Variants in LIMS2 observed in about 807,000 individuals in gnomAD.
LIMS2 encodes the protein LIM zinc finger domain containing 2, also known as LIM and senescent cell antigen-like-containing domain protein 2.
In LIMS2, 30 loss-of-function variants were observed where a neutral mutation model predicts 45.3. The observed-to-expected ratio is 0.66, with a 90% CI of 0.50 to 0.90. The LOEUF is 0.90. Ranked by LOEUF, LIMS2 falls within the 40% of genes least tolerant of loss-of-function variation. LIMS2 has a pLI of 0.00. For missense variants in LIMS2, 485 were observed against 468.7 expected, an observed-to-expected ratio of 1.03 and a Z score of -0.32; for synonymous variants, 173 against 188.0, an observed-to-expected ratio of 0.92 and a Z score of 0.65.
At chr2:127,681,153 C>T (rs11888336) in intron 1 of LIMS2, among the ~76,000 whole-genome samples, 20,379 of 152,226 alleles carry the variant, frequency 0.13, 1,532 homozygotes, top group Middle Eastern at 0.22. Flanking sequence ...GAACCTTCAC[C>T]GTCCCCATGC....
At chr2:127,665,880 C>CA (rs1373176175) in intron 1 of LIMS2, among the ~76,000 whole-genome samples, 2 of 152,226 alleles carry the variant, frequency 1.3e-5, no homozygotes, top group African/African-American at 4.8e-5. Context: ...AAGGAGGCTA[C>CA]AGCCACAAGT....
intron 1 of LIMS2, among the ~76,000 whole-genome samples, chr2:127,670,597 T>C (rs1257899066): frequency 6.6e-6 from 1 of 152,252 alleles, no homozygotes; most frequent in East Asian, 1.9e-4. Context: ...CACTGAATTT[T>C]ACAATCTAAA....
At chr2:127,674,466 G>T in intron 1 of LIMS2, 1 of 240,380 alleles carries the variant, frequency 4.2e-6, no homozygotes, top group Non-Finnish European at 6.7e-6. Flanking sequence ...GGTGGGCCAG[G>T]CCCAGGGGAG....
Position 127,649,165 on chromosome 2 carries a change from T to TAGGAAGGAAGGAAGGAAGGAAGGA in LIMS2, c.359+5235_359+5258dup, listed in dbSNP as rs376330379. Reference sequence around the variant, plus strand: ...AAGCGAAGTGAGAGAGAGAGGAAGGTAGGAAGGAAGGAAGGAAGGAAGGAA... The same window carrying TAGGAAGGAAGGAAGGAAGGAAGGA: ...AAGCGAAGTGAGAGAGAGAGGAAGGTAGGAAGGAAGGAAGGAAGGAAGGAAGGAAGGAAGGAAGGAAGGAAGGAA... On this transcript the variant is annotated intron_variant, in intron 4 of 9. Coordinates refer to ENST00000355119, the MANE Select transcript of LIMS2 (RefSeq NM_001161403.3). Among the ~76,000 whole-genome samples the TAGGAAGGAAGGAAGGAAGGAAGGA allele has an allele frequency of 3.2e-3, 434 of 134,336 alleles. 2 individuals are homozygous for TAGGAAGGAAGGAAGGAAGGAAGGA. The highest frequency in any genetic ancestry group is 0.011 in the African/African-American group (403 of 36,654). 88.1% of individuals were successfully genotyped at this position (134,336 alleles called of 152,430 possible). A position where few individuals can be genotyped will look rare whatever the true frequency, so the allele number is the denominator to read the frequency against.
intron 4 of LIMS2, chr2:127,650,156 G>C: frequency 1.6e-6 from 2 of 1,284,546 alleles, no homozygotes; most frequent in Non-Finnish European, 2.2e-6. Context: ...AAGTGCCAGG[G>C]GCAAGCCATG....
Position 127,657,460 on chromosome 2 carries a change from C to G in LIMS2, c.114G>C (p.Glu38Asp), listed in dbSNP as rs374132948. The change falls in exon 2 of 10, where the codon GAG (glutamate) becomes GAC (aspartate). Residue 38 changes from glutamate (E) to aspartate (D), a missense_variant. By Grantham distance (45) the Glu-to-Asp change is conservative. Transcript: ENST00000355119. ...AGCACTGGGCACACACGAAGCAGTG[C>G]TCATGGTACAGCTCCCCATTGCTGT... ...IVNSNGELYHEHCFVCAQCFR... is the reference protein window; with the variant it reads ...IVNSNGELYHDHCFVCAQCFR... 27 of 1,613,736 alleles carry G rather than the reference C, an allele frequency of 1.7e-5. No individual in the cohort carries two copies. The East Asian group carries it at 3.6e-4, about 21-fold the overall frequency.
chr2:127,662,110 C>A lies in LIMS2; in HGVS notation c.12-4548G>T, dbSNP rs117601079. Among the ~76,000 whole-genome samples, 3 of 152,258 alleles carry A rather than the reference C, an allele frequency of 2.0e-5. No individual in the cohort carries two copies. In the East Asian group the frequency reaches 5.8e-4, roughly 29 times the overall value. On this transcript the variant is annotated intron_variant, in intron 1 of 9. Transcript: ENST00000355119. Reference sequence around the variant, plus strand: ...CAGCAGTCAGACCAAGGGTGTGTCCCCTATAGCCAGGCACACCAGGCTGCA... The same window carrying A: ...CAGCAGTCAGACCAAGGGTGTGTCCACTATAGCCAGGCACACCAGGCTGCA...
At chr2:127,640,028 C>T (rs1394065388) in intron 9 of LIMS2, 42 bp downstream of exon 9, 2 of 1,592,768 alleles carry the variant, frequency 1.3e-6, no homozygotes, top group African/African-American at 2.7e-5. Context: ...CTGCAGGAGC[C>T]CCCTCCACCC....
At chr2:127,673,447 G>A (rs1436150539) in intron 1 of LIMS2, among the ~76,000 whole-genome samples, 1 of 152,164 alleles carries the variant, frequency 6.6e-6, no homozygotes, top group African/African-American at 2.4e-5. Flanking sequence ...GGAGCCCACA[G>A]CAGCAAGGGA....
chr2:127,650,983 T>C, intron 4 of LIMS2: 2 of 1,613,804 alleles, frequency 1.2e-6, no homozygotes, highest in Non-Finnish European at 1.7e-6. Flanking sequence ...TGCGTGCTGG[T>C]CCTGCCCACC....
intron 9 of LIMS2, 26 bp downstream of exon 9, chr2:127,640,044 C>G: frequency 6.2e-7 from 1 of 1,611,468 alleles, no homozygotes; most frequent in Non-Finnish European, 8.5e-7. Context: ...CACCCTGAGC[C>G]CCATCCCACG....
intron 4 of LIMS2, chr2:127,652,445 T>C (rs1424517438): frequency 1.2e-5 from 2 of 167,416 alleles, no homozygotes; most frequent in Admixed American, 6.5e-5. Flanking sequence ...TGGACAAGCA[T>C]GTGCAGTCAC....
chr2:127,654,548 G>T lies in LIMS2; in HGVS notation c.239-4C>A. On this transcript the variant is annotated splice_polypyrimidine_tract_variant and splice_region_variant and intron_variant, in intron 3 of 9. Coordinates refer to ENST00000355119, the MANE Select transcript of LIMS2 (RefSeq NM_001161403.3). ...ACGCGGCCAATGATGAACTCACCTG[G>T]AAGAAGACAGGTCCCTGCTGGCTGG... 6.2e-7 allele frequency: 1 copy of T among 1,614,130 alleles called. No individual in the cohort carries two copies. The highest frequency in any genetic ancestry group is 8.5e-7 in the Non-Finnish European group (1 of 1,180,006).
chr2:127,641,549 C>T (rs1276405036), intron 6 of LIMS2: 6 of 162,264 alleles, frequency 3.7e-5, no homozygotes, highest in East Asian at 1.8e-4. Context: ...GCACAGCTTC[C>T]GGACACAGCG....
At chr2:127,674,269 C>G (rs563576257) in intron 1 of LIMS2, 2 of 158,132 alleles carry the variant, frequency 1.3e-5, no homozygotes, top group Admixed American at 1.2e-4. Flanking sequence ...ACCAGGGCCT[C>G]AGGGACAGCC....
At chr2:127,654,989 G>A in intron 2 of LIMS2, 93 bp from the exon 3 acceptor site, 1 of 1,187,368 alleles carries the variant, frequency 8.4e-7, no homozygotes, top group Non-Finnish European at 1.2e-6. Flanking sequence ...GACAGCAGGG[G>A]ATGAGGCACT....
At chr2:127,658,882 C>G (rs1258791108) in intron 1 of LIMS2, among the ~76,000 whole-genome samples, 2 of 152,192 alleles carry the variant, frequency 1.3e-5, no homozygotes, top group East Asian at 1.9e-4. Flanking sequence ...ACCTCTCCGC[C>G]TGCTCTGCCT....
At chr2:127,658,414 G>A (rs1684403232) in intron 1 of LIMS2, among the ~76,000 whole-genome samples, 1 of 152,132 alleles carries the variant, frequency 6.6e-6, no homozygotes, top group South Asian at 2.1e-4. Flanking sequence ...AAAGACAAGA[G>A]TATGAATCTT....
rs1317420638 is a variant in LIMS2, at chr2:127,654,836, AT to A, written c.231del (p.Ser78ProfsTer14). Reference sequence around the variant, plus strand: ...GTACTGTCACCGGCCTTACCGCAGGATCCACAGCACGGAGCAAACAGCATTT... The same window carrying A: ...GTACTGTCACCGGCCTTACCGCAGGACCACAGCACGGAGCAAACAGCATTT... ...DFQMLFAPCC[G>X]SCGEFIIGRV... On this transcript the variant is annotated frameshift_variant, in exon 3 of 10. Coordinates refer to ENST00000355119, the MANE Select transcript of LIMS2 (RefSeq NM_001161403.3). LOFTEE classifies it high-confidence loss of function. 1 of 1,614,130 alleles carries A rather than the reference AT, an allele frequency of 6.2e-7. No individual in the cohort carries two copies. The highest frequency in any genetic ancestry group is 1.1e-5 in the South Asian group (1 of 91,080).
Sources: gnomAD v4.1 joint callset for allele counts (sites outside exome capture counted in the v4.1 genomes callset) on GRCh38, gnomAD v4.1.1 for gene constraint, MANE v1.5 for transcripts, NCBI Gene and HGNC (gene_info 2026-07-23, HGNC 2026-07-21) for gene names.